Variants in MBTPS1 observed in about 807,000 individuals in gnomAD.
The protein encoded by MBTPS1 is membrane-bound transcription factor site-1 protease.
Under a neutral mutation model 127.8 loss-of-function variants are expected in MBTPS1, and 94 were observed. The observed-to-expected ratio is 0.74, with a 90% confidence interval of 0.62 to 0.87. The LOEUF (loss-of-function observed/expected upper bound fraction) is 0.87, where lower values mean the gene tolerates loss of function less well. Among genes scored for constraint, MBTPS1 ranks in the 40% least tolerant of loss-of-function variants. The pLI is 0.00. For synonymous variants in MBTPS1, 632 were observed against 509.4 expected (o/e 1.24, Z -3.24); for missense variants, 1,636 against 1,353.2 (o/e 1.21, Z -3.28).
chr16:84,091,871 T>G (rs2086114690), intron 6 of MBTPS1, 23 bp from the exon 7 acceptor site: 1 of 1,318,320 alleles, frequency 7.6e-7, no homozygotes, highest in Non-Finnish European at 1.1e-6. Flanking sequence ...TATAACAGTC[T>G]GCTTAGTGTT....
chr16:84,108,731 C>T (rs1487099099), intron 1 of MBTPS1, among the ~76,000 whole-genome samples: 6 of 152,166 alleles, frequency 3.9e-5, no homozygotes. Flanking sequence ...AAGGGAGAGG[C>T]ACCAGGTGAG....
intron 9 of MBTPS1, 63 bp from the exon 10 acceptor site, chr16:84,085,197 T>A (rs1384464520): frequency 2.7e-6 from 4 of 1,506,428 alleles, no homozygotes; most frequent in Non-Finnish European, 3.7e-6. Context: ...CATGCAATCA[T>A]GAGTGAATCA....
intron 1 of MBTPS1, among the ~76,000 whole-genome samples, chr16:84,106,014 G>A (rs1238566699): frequency 6.6e-6 from 1 of 152,178 alleles, no homozygotes. Context: ...AGAGAAAACA[G>A]CTAGGCACGA....
At chr16:84,071,029 T>G (rs1284968859) in intron 12 of MBTPS1, among the ~76,000 whole-genome samples, 1 of 152,230 alleles carries the variant, frequency 6.6e-6, no homozygotes, top group East Asian at 1.9e-4. Context: ...ACATTTTTTT[T>G]CTATTATAAA....
At chr16:84,065,663 A>C in intron 18 of MBTPS1, 27 bp downstream of exon 18, 1 of 1,514,630 alleles carries the variant, frequency 6.6e-7, no homozygotes, top group Non-Finnish European at 9.2e-7. Flanking sequence ...AAGAAGAAGC[A>C]AAAGGCCCAT....
intron 11 of MBTPS1, among the ~76,000 whole-genome samples, chr16:84,078,231 C>G (rs1363201999): frequency 6.6e-6 from 1 of 152,142 alleles, no homozygotes; most frequent in Non-Finnish European, 1.5e-5. Flanking sequence ...CGGGCGCTCT[C>G]GACCCGGACC....
Position 84,077,095 on chromosome 16 carries a change from A to G in MBTPS1, c.1449-2354T>C, listed in dbSNP as rs538954103. On this transcript the variant is annotated intron_variant, in intron 11 of 22. Transcript: ENST00000343411. ...AGAAAAATTAGCGGGGCATGGGGGT[A>G]TGTACCTGCAGTCCACCTACTTGGG... is the stretch of plus-strand genomic sequence containing the variant. Among the ~76,000 whole-genome samples the G allele has an allele frequency of 6.6e-5, 10 of 152,116 alleles. No homozygotes were observed. In the East Asian group the frequency reaches 1.9e-3, roughly 29 times the overall value.
chr16:84,096,402 T>C (rs115983443), intron 3 of MBTPS1, among the ~76,000 whole-genome samples: 84 of 152,344 alleles, frequency 5.5e-4, no homozygotes, highest in African/African-American at 1.9e-3. Context: ...ATCTTGATTT[T>C]GTTGGTGGAT....
rs1172084203 is a variant in MBTPS1, at chr16:84,085,580, CCAA to C, written c.1135-449_1135-447del. 5.0e-4 allele frequency among the ~76,000 whole-genome samples: 52 copies of C among 104,790 alleles called. 1 individual carries two copies. The highest frequency in any genetic ancestry group is 6.9e-4 in the Admixed American group (7 of 10,146). The allele number at this position is 104,790 out of a possible 152,430, so 68.7% of individuals were successfully genotyped here. A position where few individuals can be genotyped will look rare whatever the true frequency, so the allele number is the denominator to read the frequency against. ...CCTCAGCCCCGCACCCGCCCCCCCCCCAAAAAAAAAGAGAAAAAAACAAAGAAA... is the reference window on the plus strand; with the variant it reads ...CCTCAGCCCCGCACCCGCCCCCCCCCAAAAAAAGAGAAAAAAACAAAGAAA... On this transcript the variant is annotated intron_variant, in intron 9 of 22. Coordinates refer to ENST00000343411, the MANE Select transcript of MBTPS1 (RefSeq NM_003791.4).
At chr16:84,107,275 G>A (rs943553799) in intron 1 of MBTPS1, among the ~76,000 whole-genome samples, 3 of 152,164 alleles carry the variant, frequency 2.0e-5, no homozygotes, top group Non-Finnish European at 4.4e-5. Flanking sequence ...GAGCCTGGCC[G>A]CCAGACTGTA....
chr16:84,057,438 C>G (rs951100670), intron 21 of MBTPS1: 3 of 152,254 alleles, frequency 2.0e-5, no homozygotes, highest in African/African-American at 7.2e-5. Context: ...AGTCCACACC[C>G]ATTACCATGT....
intron 5 of MBTPS1, 54 bp downstream of exon 5, chr16:84,093,657 A>G (rs2086141149): frequency 8.3e-7 from 1 of 1,209,932 alleles, no homozygotes; most frequent in East Asian, 2.3e-5. Context: ...ATCATGCACT[A>G]AACACACTCT....
chr16:84,098,846 T>C (rs1379848899), intron 3 of MBTPS1, among the ~76,000 whole-genome samples: 4 of 152,132 alleles, frequency 2.6e-5, no homozygotes, highest in African/African-American at 9.7e-5. Flanking sequence ...ACGAAGTCTC[T>C]TTTTAAAAAA....
chr16:84,090,491 GC>G (rs2086088928), intron 8 of MBTPS1, among the ~76,000 whole-genome samples: 1 of 152,178 alleles, frequency 6.6e-6, no homozygotes, highest in South Asian at 2.1e-4. Flanking sequence ...TCTTCCGTTT[GC>G]CTCTTTACCC....
Position 84,101,805 on chromosome 16 carries a change from TA to T in MBTPS1, c.-23del, listed in dbSNP as rs1262928977. 1.2e-5 allele frequency: 19 copies of T among 1,592,016 alleles called. No homozygotes were observed. The highest frequency in any genetic ancestry group is 1.7e-4 in the Middle Eastern group (1 of 5,992). Reference sequence around the variant, plus strand: ...TCATGGTCACAAGCGAATATGATCATAAAATTGCATATATTCAAATCACACT... The same window carrying T: ...TCATGGTCACAAGCGAATATGATCATAAATTGCATATATTCAAATCACACT... On this transcript the variant is annotated 5_prime_UTR_variant, in exon 2 of 23. An upstream open reading frame in the 5' UTR loses its in-frame stop. Transcript: ENST00000343411.
In MBTPS1 at chr16:84,101,766, G is replaced by C; in HGVS notation, c.18C>G (p.Ile6Met). The change falls in exon 2 of 23, where the codon ATC becomes ATG. Residue 6 changes from isoleucine (I) to methionine (M), a missense_variant. By Grantham distance (10) the Ile-to-Met change is conservative (BLOSUM62 1). Coordinates refer to ENST00000343411, the MANE Select transcript of MBTPS1 (RefSeq NM_003791.4). The part of the protein sequence containing the change: MKLVN[I>M]WLLLLVVLLC... ...GCAAAACCACGAGCAGAAGCAGCCA[G>C]ATGTTGACAAGCTTCATGGTCACAA... is the stretch of plus-strand genomic sequence containing the variant. The C allele has an allele frequency of 6.2e-6, 10 of 1,613,478 alleles. No homozygotes were observed. Among genetic ancestry groups the C allele is most frequent in the Non-Finnish European group, 8.5e-6 (10 of 1,179,724 alleles).
chr16:84,078,161 A>G (rs1391918170), intron 11 of MBTPS1, among the ~76,000 whole-genome samples: 2 of 152,248 alleles, frequency 1.3e-5, no homozygotes, highest in Non-Finnish European at 2.9e-5. Context: ...GCAATGCCTA[A>G]CAGAGCTACC....
chr16:84,087,473 CAA>C lies in MBTPS1; in HGVS notation c.1032-15_1032-14del, dbSNP rs5818481. 109,672 of 982,278 alleles carry C rather than the reference CAA, an allele frequency of 0.11. 1 individual carries two copies. Among genetic ancestry groups the C allele is most frequent in the Non-Finnish European group, 0.12 (83,470 of 689,920 alleles). The allele number at this position is 982,278 out of a possible 1,614,324, so 60.8% of individuals were successfully genotyped here. A position where few individuals can be genotyped will look rare whatever the true frequency, so the allele number is the denominator to read the frequency against. On this transcript the variant is annotated splice_polypyrimidine_tract_variant and intron_variant, in intron 8 of 22. Transcript: ENST00000343411. ...GTTATTCAGAGTGCTATATTGAGAC[CAA>C]AAAAAAAAAAAAAGAAAAGAAAAAG...
Position 84,099,078 on chromosome 16 carries a change from G to C in MBTPS1, c.396C>G (p.Val132=), listed in dbSNP as rs776057898. ...ATTCAGCATACTTGAGGGAACGAAA[G>C]ACTTTTCGTTGGGGCGTGACCCGTT... The part of the protein sequence containing the change: ...NIKRVTPQRK[V]FRSLKYAESD... Residue 132 remains valine, a synonymous_variant, in exon 3 of 23, where the codon GTC becomes GTG. Coordinates refer to ENST00000343411, the MANE Select transcript of MBTPS1 (RefSeq NM_003791.4). 4 of 1,614,146 alleles carry C rather than the reference G, an allele frequency of 2.5e-6. No homozygotes were observed. Among genetic ancestry groups the C allele is most frequent in the Non-Finnish European group, 3.4e-6 (4 of 1,180,014 alleles).
Sources: allele counts gnomAD v4.1 joint callset (sites outside exome capture counted in the v4.1 genomes callset), GRCh38; gene constraint gnomAD v4.1.1; transcripts MANE v1.5; gene names NCBI Gene and HGNC (gene_info 2026-07-23, HGNC 2026-07-21).